The following BCL9L variants were observed in gnomAD, a reference collection of about 807,000 sequenced individuals.
The protein encoded by BCL9L is BCL9 like, also known as B-cell CLL/lymphoma 9-like protein.
A neutral mutation model predicts 99.4 loss-of-function variants in BCL9L; 19 were observed. That is an observed-to-expected ratio of 0.19 (90% CI 0.13 to 0.28). The LOEUF is 0.28. BCL9L is among the 10% of genes least tolerant of loss of function. BCL9L has a pLI of 1.00. For missense variants in BCL9L, 2,023 were observed against 2,101.6 expected (o/e 0.96, Z 0.73); for synonymous variants, 900 against 854.8 (o/e 1.05, Z -0.92).
At position 118,910,005 on chromosome 11, in the gene BCL9L, T is replaced by G; in HGVS notation, c.-66A>C. On this transcript the variant is annotated 5_prime_UTR_variant, in exon 3 of 10. Transcript: ENST00000683865. ...CAGGGCCCAGCCAGGTACTCGGTAC[T>G]GGAGCACGGACTGCAGCAACAAGCC... 1 of 1,609,092 alleles carries G rather than the reference T, an allele frequency of 6.2e-7. No homozygotes were observed. Among genetic ancestry groups the G allele is most frequent in the Non-Finnish European group, 8.5e-7 (1 of 1,176,554 alleles).
At position 118,908,506 on chromosome 11, in the gene BCL9L, T is replaced by G. The variant is rs2137722207; in HGVS notation, c.176A>C (p.His59Pro). Residue 59 changes from histidine (H) to proline (P), a missense_variant, in exon 4 of 10, where the codon CAC becomes CCC. Physicochemically the swap from His to Pro is moderately conservative, Grantham distance 77. Transcript: ENST00000683865. Reference sequence around the variant, plus strand: ...GGTGGGTCCTTGGTTCACATTCTGGTGCTGAGATTGGGCCCCGCCATTCCC... The same window carrying G: ...GGTGGGTCCTTGGTTCACATTCTGGGGCTGAGATTGGGCCCCGCCATTCCC... Reference protein sequence around the residue: ...KTGNGGAQSQHQNVNQGPTCN... With the variant: ...KTGNGGAQSQPQNVNQGPTCN... The G allele has an allele frequency of 6.2e-7, 1 of 1,614,160 alleles. No individual in the cohort carries two copies. Among genetic ancestry groups the G allele is most frequent in the Non-Finnish European group, 8.5e-7 (1 of 1,179,998 alleles).
chr11:118,900,984 C>A lies in BCL9L; in HGVS notation c.2759G>T (p.Ser920Ile), dbSNP rs1214504272. Residue 920 changes from serine (S) to isoleucine (I), a missense_variant, in exon 8 of 10, where the codon AGT (serine) becomes ATT (isoleucine). By Grantham distance (142) the Ser-to-Ile change is moderately radical. Around this residue, in one of 3 missense-constraint regions of BCL9L, gnomAD observed 902 missense variants for 888.2 expected, o/e 1.02. Coordinates refer to ENST00000683865, the MANE Select transcript of BCL9L (RefSeq NM_001378213.1). The surrounding 1 kb of genome is among the most constrained non-coding windows in gnomAD (Gnocchi z 5.3). ...LGRRPSDLTI[S>I]INQMGSPGMG... ...GCCCGGTGAGCCCATCTGATTAATACTGATGGTGAGGTCCGAAGGCCGCCT... is the reference window on the plus strand; with the variant it reads ...GCCCGGTGAGCCCATCTGATTAATAATGATGGTGAGGTCCGAAGGCCGCCT... 24 of 1,554,790 alleles carry A rather than the reference C, an allele frequency of 1.5e-5. No homozygotes were observed. The highest frequency in any genetic ancestry group is 2.0e-5 in the Non-Finnish European group (23 of 1,149,442).
At chr11:118,909,883 A>ACACATCCCACCCGCCACGACACC in intron 3 of BCL9L, 31 bp downstream of exon 3, 2 of 1,613,358 alleles carry the variant, frequency 1.2e-6, no homozygotes, top group Admixed American at 1.7e-5. Flanking sequence ...CTCCACACAC[A>ACACATCCCACCCGCCACGACACC]CACATCCCAC....
chr11:118,917,061 C>G (rs1301315534), intron 2 of BCL9L, among the ~76,000 whole-genome samples: 2 of 152,168 alleles, frequency 1.3e-5, no homozygotes, highest in Non-Finnish European at 2.9e-5. Flanking sequence ...CTCCCTGGGC[C>G]TTCTCCAGGC....
chr11:118,918,198 C>T (rs1004922499), intron 2 of BCL9L, among the ~76,000 whole-genome samples: 1 of 151,958 alleles, frequency 6.6e-6, no homozygotes, highest in East Asian at 1.9e-4. Context: ...AGCCCTCAGG[C>T]GTGTTTGTTG....
In BCL9L at chr11:118,898,727, C is replaced by T. The variant is rs757516518; in HGVS notation, c.4188G>A (p.Gln1396=). ...CGCCTGTCCTGCCCAGCAAGGACAT[C>T]TGTCCAGGGTGGCACATGGACATGT... ...GLNMSMCHPG[Q]MSLLGRTGVP... Residue 1396 remains glutamine, a synonymous_variant, in exon 10 of 10, where the codon CAG becomes CAA. Transcript: ENST00000683865. The T allele has an allele frequency of 6.2e-7, 1 of 1,613,226 alleles. No homozygotes were observed.
rs879607468 is a variant in BCL9L at position 118,899,942 on chromosome 11, T to C, written c.3381A>G (p.Pro1127=). The part of the protein sequence containing the change: ...LLPDRPLLPP[P]PPPQGSGPGI... Reference sequence around the variant, plus strand: ...CTGGCCCGGAGCCCTGCGGTGGTGGTGGGGGGGGCAGCAGGGGCCGGTCGG... The same window carrying C: ...CTGGCCCGGAGCCCTGCGGTGGTGGCGGGGGGGGCAGCAGGGGCCGGTCGG... Residue 1127 remains proline (P), a synonymous_variant, in exon 9 of 10, where the codon CCA becomes CCG. Transcript: ENST00000683865. The C allele has an allele frequency of 1.2e-6, 2 of 1,609,676 alleles. No individual in the cohort carries two copies. Among genetic ancestry groups the C allele is most frequent in the Non-Finnish European group, 1.7e-6 (2 of 1,178,372 alleles).
At position 118,911,991 on chromosome 11, in the gene BCL9L, G is replaced by T. The variant is rs1940813417; in HGVS notation, c.-76-1976C>A. ...TTCAGGCCTAGGCTCCTCCCCAGAA[G>T]ACTCTTCCAGTCACCCTCCCCTCCG... On this transcript the variant is annotated intron_variant, in intron 2 of 9. Coordinates refer to ENST00000683865, the MANE Select transcript of BCL9L (RefSeq NM_001378213.1). 2.0e-5 allele frequency among the ~76,000 whole-genome samples: 3 copies of T among 152,370 alleles called. No individual in the cohort carries two copies. In the South Asian group the frequency reaches 6.2e-4, roughly 32 times the overall value.
chr11:118,908,445 G>A lies in BCL9L; in HGVS notation c.237C>T (p.Asn79=), dbSNP rs996372679. 6.2e-7 allele frequency: 1 copy of A among 1,614,096 alleles called. No homozygotes were observed. Among genetic ancestry groups the A allele is most frequent in the East Asian group, 2.2e-5 (1 of 44,876 alleles). Residue 79 remains asparagine, a synonymous_variant, in exon 4 of 10, where the codon AAC becomes AAT. Transcript: ENST00000683865. ...AGATCTGGTTGGCCTTGGCCCCATG[G>A]TTCCCCGCCCCCACGCCCTTCGAGC... The part of the protein sequence containing the change: ...NVGSKGVGAG[N]HGAKANQISP...
rs1591983207 is a variant in BCL9L, at chr11:118,903,381, T to C, written c.604A>G (p.Ser202Gly). ...GGGGCGCCTGGCACGCTGCTCTCGC[T>C]GAGGGGCAGTTGGGTGGTTTGGCCG... Reference protein sequence around the residue: ...GPGQTTQLPLSESSVPGAPHG... With the variant: ...GPGQTTQLPLGESSVPGAPHG... The change falls in exon 6 of 10, where the codon AGC becomes GGC. Residue 202 changes from serine to glycine, a missense_variant. By Grantham distance (56) the Ser-to-Gly change is moderately conservative (BLOSUM62 0). This residue lies in a region of BCL9L where 1,116 missense variants were observed against 1,194.6 expected (regional missense o/e 0.93). Transcript: ENST00000683865. This position sits in a 1 kb window ranked among gnomAD's most constrained non-coding sequence, Gnocchi z 5.6. 1 of 1,611,212 alleles carries C rather than the reference T, an allele frequency of 6.2e-7. No individual in the cohort carries two copies. The highest frequency in any genetic ancestry group is 8.5e-7 in the Non-Finnish European group (1 of 1,178,916).
intron 5 of BCL9L, among the ~76,000 whole-genome samples, chr11:118,905,220 A>G (rs1416128861): frequency 6.6e-6 from 1 of 152,158 alleles, no homozygotes; most frequent in Non-Finnish European, 1.5e-5. Flanking sequence ...TCAAGAATCT[A>G]AGGGCAGGCC....
rs1940900199 is a variant in BCL9L, at chr11:118,914,383, C to T, written c.-76-4368G>A. Among the ~76,000 whole-genome samples the T allele has an allele frequency of 1.3e-5, 2 of 152,136 alleles. No individual in the cohort carries two copies. Among genetic ancestry groups the T allele is most frequent in the African/African-American group, 4.8e-5 (2 of 41,422 alleles). On this transcript the variant is annotated intron_variant, in intron 2 of 9. Transcript: ENST00000683865. This position sits in a 1 kb window ranked among gnomAD's most constrained non-coding sequence, Gnocchi z 4.4. ...CCACGGTGGGACCTCACCCAGCGCC[C>T]GCCCGCCTGCCTGCCTGCTCTGCTC...
chr11:118,909,820 T>A (rs374336637), intron 3 of BCL9L, 94 bp downstream of exon 3: 1 of 1,595,718 alleles, frequency 6.3e-7, no homozygotes. Flanking sequence ...GCGGCTCCTC[T>A]CCTGGCCAGC....
At position 118,900,539 on chromosome 11, in the gene BCL9L, C is replaced by A. The variant is rs1184759169; in HGVS notation, c.3124+80G>T. ...CCCGTGGTACACAGGCCCTTACTCACTCACTGCCCAGCCCCAGCATGGACA... is the reference window on the plus strand; with the variant it reads ...CCCGTGGTACACAGGCCCTTACTCAATCACTGCCCAGCCCCAGCATGGACA... On this transcript the variant is annotated intron_variant, in intron 8 of 9. Transcript: ENST00000683865. The surrounding 1 kb of genome is among the most constrained non-coding windows in gnomAD (Gnocchi z 5.3). 7.2e-6 allele frequency: 11 copies of A among 1,520,750 alleles called. No individual in the cohort carries two copies. Among genetic ancestry groups the A allele is most frequent in the Non-Finnish European group, 7.9e-6 (9 of 1,139,400 alleles). 94.2% of individuals were successfully genotyped at this position (1,520,750 alleles called of 1,614,324 possible). A position where few individuals can be genotyped will look rare whatever the true frequency, so the allele number is the denominator to read the frequency against.
At chr11:118,923,760 G>A (rs905827447) in intron 1 of BCL9L, among the ~76,000 whole-genome samples, 1 of 152,214 alleles carries the variant, frequency 6.6e-6, no homozygotes, top group Non-Finnish European at 1.5e-5. Flanking sequence ...GAGGTGGCCA[G>A]AAGGCTGCTT....
intron 2 of BCL9L, among the ~76,000 whole-genome samples, chr11:118,911,102 C>T (rs2134424721): frequency 6.6e-6 from 1 of 152,326 alleles, no homozygotes; most frequent in Non-Finnish European, 1.5e-5. Flanking sequence ...CACAAAGAAA[C>T]ACGCACAGGG....
intron 2 of BCL9L, among the ~76,000 whole-genome samples, chr11:118,911,072 AG>A (rs927421314): frequency 1.4e-4 from 21 of 152,212 alleles, no homozygotes; most frequent in South Asian, 4.1e-4. Flanking sequence ...AGAGAGCCGA[AG>A]AAAGTTGAGC....
At chr11:118,915,842 C>G (rs1940948663) in intron 2 of BCL9L, among the ~76,000 whole-genome samples, 1 of 152,152 alleles carries the variant, frequency 6.6e-6, no homozygotes, top group South Asian at 2.1e-4. Context: ...AGTAGGGGGC[C>G]CAGGGAGAAA....
In BCL9L at chr11:118,914,581, G is replaced by A. The variant is rs1940907960; in HGVS notation, c.-77+4245C>T. Among the ~76,000 whole-genome samples the A allele has an allele frequency of 6.6e-6, 1 of 150,790 alleles. No individual in the cohort carries two copies. The highest frequency in any genetic ancestry group is 6.6e-5 in the Admixed American group (1 of 15,100). ...GGGCACGTGGGCCAGGCCGGGAGGG[G>A]TGGGGGTGATGAGACAGGATGTATG... On this transcript the variant is annotated intron_variant, in intron 2 of 9. Coordinates refer to ENST00000683865, the MANE Select transcript of BCL9L (RefSeq NM_001378213.1). This position sits in a 1 kb window ranked among gnomAD's most constrained non-coding sequence, Gnocchi z 4.4.
Sources: allele counts gnomAD v4.1 joint callset (sites outside exome capture counted in the v4.1 genomes callset), GRCh38; gene constraint gnomAD v4.1.1; regional missense constraint gnomAD v4.1.1; non-coding constraint Gnocchi (gnomAD v3.1); transcripts MANE v1.5; gene names NCBI Gene and HGNC (gene_info 2026-07-23, HGNC 2026-07-21).